PCCA: variants seen among roughly 807,000 people sequenced by gnomAD.
The protein encoded by PCCA is propionyl-CoA carboxylase alpha chain, mitochondrial.
A neutral mutation model predicts 101.3 loss-of-function variants in PCCA; 74 were observed. That is an observed-to-expected ratio of 0.73 (90% CI 0.61 to 0.89). PCCA has a LOEUF of 0.89. Among genes scored for constraint, PCCA ranks in the 40% least tolerant of loss-of-function variants. The pLI is 0.00. For synonymous variants in PCCA, 294 were observed against 313.6 expected (o/e 0.94, Z 0.66); for missense variants, 891 against 907.0 (o/e 0.98, Z 0.23).
chr13:100,188,232 G>T (rs961558350), intron 6 of PCCA, among the ~76,000 whole-genome samples: 1 of 152,184 alleles, frequency 6.6e-6, no homozygotes, highest in African/African-American at 2.4e-5. Flanking sequence ...GGTGGAGGTT[G>T]CAGTGAGCCG....
chr13:100,351,865 A>T (rs921322671), intron 18 of PCCA, among the ~76,000 whole-genome samples: 1 of 152,288 alleles, frequency 6.6e-6, no homozygotes, highest in African/African-American at 2.4e-5. Flanking sequence ...TGTTCAATGA[A>T]ATTTGTTCTG....
chr13:100,152,330 G>A (rs562215808), intron 4 of PCCA, among the ~76,000 whole-genome samples: 56 of 146,818 alleles, frequency 3.8e-4, no homozygotes, highest in African/African-American at 1.3e-3. Context: ...TTTAATGCAT[G>A]ATTTATTCAA....
chr13:100,407,962 C>T (rs762126264), intron 19 of PCCA, among the ~76,000 whole-genome samples: 1 of 152,030 alleles, frequency 6.6e-6, no homozygotes, highest in Non-Finnish European at 1.5e-5. Flanking sequence ...ACCAGCCTGA[C>T]CAACATGGTG....
intron 19 of PCCA, among the ~76,000 whole-genome samples, chr13:100,386,358 A>T (rs756293124): frequency 6.6e-6 from 1 of 152,126 alleles, no homozygotes; most frequent in African/African-American, 2.4e-5. Context: ...TAAAAAGTTG[A>T]GAGTGTCTTC....
chr13:100,303,478 T>C (rs1232150090), intron 14 of PCCA, among the ~76,000 whole-genome samples: 2 of 152,074 alleles, frequency 1.3e-5, no homozygotes, highest in African/African-American at 4.8e-5. Flanking sequence ...AGTAATAATA[T>C]TTATATCAGT....
At position 100,357,227 on chromosome 13, in the gene PCCA, T is replaced by C. The variant is rs201685609; in HGVS notation, c.1644-11245T>C. The stretch of plus-strand genomic sequence containing the variant: ...TCATCTCAAACTGTTTAAATGTATA[T>C]AGTCTGTTACACATTTTATATTTAA... On this transcript the variant is annotated intron_variant, in intron 18 of 23. Coordinates refer to ENST00000376285, the MANE Select transcript of PCCA (RefSeq NM_000282.4). Among the ~76,000 whole-genome samples the C allele has an allele frequency of 1.1e-4, 16 of 152,356 alleles. No individual in the cohort carries two copies. In the East Asian group the frequency reaches 3.1e-3, roughly 29 times the overall value.
At chr13:100,168,016 T>C (rs990164627) in intron 6 of PCCA, among the ~76,000 whole-genome samples, 1 of 152,228 alleles carries the variant, frequency 6.6e-6, no homozygotes, top group African/African-American at 2.4e-5. Context: ...GCCGTCTTGG[T>C]GTGACCTCCT....
intron 19 of PCCA, among the ~76,000 whole-genome samples, chr13:100,374,568 C>A (rs1044090709): frequency 2.6e-5 from 4 of 151,974 alleles, no homozygotes; most frequent in Non-Finnish European, 5.9e-5. Context: ...CAGTTAATAT[C>A]TTAAAGATGG....
At chr13:100,210,264 C>T (rs1028721954) in intron 7 of PCCA, among the ~76,000 whole-genome samples, 23 of 152,174 alleles carry the variant, frequency 1.5e-4, no homozygotes, top group African/African-American at 5.3e-4. Flanking sequence ...AGATGTGAAC[C>T]ATTGTGCCTG....
intron 19 of PCCA, among the ~76,000 whole-genome samples, chr13:100,420,388 C>A (rs549043419): frequency 6.6e-6 from 1 of 152,182 alleles, no homozygotes; most frequent in African/African-American, 2.4e-5. Flanking sequence ...GCCCTGGCAA[C>A]ACAGTGAGAA....
rs11838791 is a variant in PCCA at position 100,136,920 on chromosome 13, C to T, written c.301-18059C>T. Among the ~76,000 whole-genome samples the T allele has an allele frequency of 5.3e-4, 81 of 151,706 alleles. 1 individual carries two copies. Among genetic ancestry groups the T allele is most frequent in the African/African-American group, 1.8e-3 (76 of 41,406 alleles). ...TTGATATCTCCTCTGTTGTGTTCTT[C>T]CTTCTACTTTAGGTTTATTTTGCTT... On this transcript the variant is annotated intron_variant, in intron 4 of 23. Coordinates refer to ENST00000376285, the MANE Select transcript of PCCA (RefSeq NM_000282.4).
intron 2 of PCCA, among the ~76,000 whole-genome samples, chr13:100,108,725 G>T (rs1023581011): frequency 6.6e-6 from 1 of 152,186 alleles, no homozygotes; most frequent in African/African-American, 2.4e-5. Context: ...AATTGTTGAT[G>T]CAGAGGGGCA....
At chr13:100,308,851 T>C (rs1035600996) in intron 15 of PCCA, among the ~76,000 whole-genome samples, 1 of 152,174 alleles carries the variant, frequency 6.6e-6, no homozygotes, top group Non-Finnish European at 1.5e-5. Flanking sequence ...AATCTATAGA[T>C]TGGCTAATAT....
chr13:100,303,178 C>G (rs1264132070), intron 14 of PCCA, among the ~76,000 whole-genome samples, 180 bp downstream of exon 14: 1 of 152,068 alleles, frequency 6.6e-6, no homozygotes, highest in Non-Finnish European at 1.5e-5. Context: ...TCAAGAAAGT[C>G]AGGATTCACT....
At chr13:100,520,395 C>G (rs2087143784) in intron 22 of PCCA, among the ~76,000 whole-genome samples, 1 of 152,106 alleles carries the variant, frequency 6.6e-6, no homozygotes, top group Admixed American at 6.5e-5. Context: ...CGCCTGTAAT[C>G]CCAGCACTTT....
chr13:100,441,773 A>G (rs934193202), intron 20 of PCCA, among the ~76,000 whole-genome samples: 1 of 152,174 alleles, frequency 6.6e-6, no homozygotes, highest in Non-Finnish European at 1.5e-5. Flanking sequence ...TGCTATTAGC[A>G]TATCAAGTGG....
Position 100,530,419 on chromosome 13 carries a change from CTG to C in PCCA, c.*254_*255del, listed in dbSNP as rs1347166662. On this transcript the variant is annotated 3_prime_UTR_variant, in exon 24 of 24. Coordinates refer to ENST00000376285, the MANE Select transcript of PCCA (RefSeq NM_000282.4). ...TAGTGTCAAAATTAAATCAATAAAA[CTG>C]AGCATTTGTCTAAATATTAGTTTGC... 3.3e-5 allele frequency: 19 copies of C among 577,458 alleles called. No individual in the cohort carries two copies. Among genetic ancestry groups the C allele is most frequent in the Non-Finnish European group, 4.3e-5 (14 of 322,966 alleles). 35.8% of individuals were successfully genotyped at this position (577,458 alleles called of 1,614,324 possible). A position where few individuals can be genotyped will look rare whatever the true frequency, so the allele number is the denominator to read the frequency against.
At chr13:100,499,023 C>G (rs2085475149) in intron 21 of PCCA, among the ~76,000 whole-genome samples, 1 of 152,166 alleles carries the variant, frequency 6.6e-6, no homozygotes, top group African/African-American at 2.4e-5. Context: ...GCATTGCAAG[C>G]AAAATCATTG....
chr13:100,233,922 C>T (rs982068569), intron 7 of PCCA, among the ~76,000 whole-genome samples: 2 of 152,164 alleles, frequency 1.3e-5, no homozygotes, highest in African/African-American at 4.8e-5. Context: ...TATCCATACA[C>T]ACCCAGCTAT....
Sources: allele counts gnomAD v4.1 joint callset (sites outside exome capture counted in the v4.1 genomes callset), GRCh38; gene constraint gnomAD v4.1.1; transcripts MANE v1.5; gene names NCBI Gene and HGNC (gene_info 2026-07-23, HGNC 2026-07-21).